RBFOX1: variants seen among roughly 807,000 people sequenced by gnomAD.
RBFOX1 encodes RNA binding fox-1 homolog 1.
Under a neutral mutation model 57.7 loss-of-function variants are expected in RBFOX1, and 8 were observed. The observed-to-expected ratio is 0.14, with a 90% CI of 0.08 to 0.25. The LOEUF (loss-of-function observed/expected upper bound fraction) is 0.25. RBFOX1 is among the 10% of genes least tolerant of loss of function. RBFOX1 has a pLI of 1.00. For missense variants in RBFOX1, 611 were observed against 548.5 expected (o/e 1.11, Z -1.14); for synonymous variants, 326 against 222.4 (o/e 1.47, Z -4.15).
chr16:6,586,185 T>A (rs1238929900), intron 2 of RBFOX1, among the ~76,000 whole-genome samples: 1 of 152,218 alleles, frequency 6.6e-6, no homozygotes, highest in Non-Finnish European at 1.5e-5. Flanking sequence ...GGCAGTTGTT[T>A]GTGCATTCAG....
At chr16:6,794,957 T>C (rs938092712) in intron 3 of RBFOX1, among the ~76,000 whole-genome samples, 16 of 152,190 alleles carry the variant, frequency 1.1e-4, no homozygotes, top group South Asian at 2.1e-4. Context: ...TAATTTTCCC[T>C]AAATCACCAG....
intron 1 of RBFOX1, among the ~76,000 whole-genome samples, chr16:6,080,146 G>A (rs1365781463): frequency 6.6e-6 from 1 of 152,192 alleles, no homozygotes. Flanking sequence ...TACTTGATGG[G>A]GAGAGGCAAG....
chr16:7,473,139 A>T (rs1358516534), intron 4 of RBFOX1, among the ~76,000 whole-genome samples: 1 of 152,104 alleles, frequency 6.6e-6, no homozygotes, highest in African/African-American at 2.4e-5. Context: ...GCCCTTTGGG[A>T]GGCTGAGGTG....
At position 6,131,488 on chromosome 16, in the gene RBFOX1, G is replaced by A. The variant is rs1260370580; in HGVS notation, c.-127+111496G>A. On this transcript the variant is annotated intron_variant, in intron 1 of 15. Transcript: ENST00000550418. ...CTCTAGAGTCACTTATTTAAATGCA[G>A]CTTCTGAAAGTCACCCTCTAAGATT... 2.0e-5 allele frequency among the ~76,000 whole-genome samples: 3 copies of A among 152,098 alleles called. No homozygotes were observed. The East Asian group carries it at 5.8e-4, about 29-fold the overall frequency.
At chr16:7,023,011 A>G (rs1274020186) in intron 3 of RBFOX1, among the ~76,000 whole-genome samples, 5 of 152,204 alleles carry the variant, frequency 3.3e-5, no homozygotes, top group Admixed American at 3.3e-4. Context: ...TTGGCATTTA[A>G]TGTGAAGGTT....
At chr16:5,765,894 T>G (rs1162564380) in intron 3 of RBFOX1, among the ~76,000 whole-genome samples, 2 of 152,136 alleles carry the variant, frequency 1.3e-5, no homozygotes, top group Non-Finnish European at 2.9e-5. Context: ...CAACCTTGGT[T>G]GTCAGTGAGG....
At chr16:5,968,090 A>G (rs1358031290) in intron 4 of RBFOX1, among the ~76,000 whole-genome samples, 1 of 151,986 alleles carries the variant, frequency 6.6e-6, no homozygotes, top group Non-Finnish European at 1.5e-5. Flanking sequence ...ATTTTATTTC[A>G]TTGAGATAGA....
intron 3 of RBFOX1, among the ~76,000 whole-genome samples, chr16:6,926,930 C>G (rs1489544238): frequency 1.3e-5 from 2 of 152,320 alleles, no homozygotes; most frequent in South Asian, 2.1e-4. Flanking sequence ...TTTGTTGTCA[C>G]TGCTGGAATG....
chr16:6,405,409 A>C (rs908580934), intron 2 of RBFOX1, among the ~76,000 whole-genome samples: 1 of 152,186 alleles, frequency 6.6e-6, no homozygotes, highest in African/African-American at 2.4e-5. Context: ...GAAGTGCACC[A>C]AATAGTGCCT....
intron 3 of RBFOX1, among the ~76,000 whole-genome samples, chr16:6,814,989 C>A (rs188590884): frequency 5.1e-4 from 77 of 152,180 alleles, no homozygotes; most frequent in African/African-American, 1.8e-3. Context: ...TATGGGCCGC[C>A]CAGCTGCTCA....
At chr16:6,051,038 A>G (rs908090020) in intron 1 of RBFOX1, among the ~76,000 whole-genome samples, 4 of 147,948 alleles carry the variant, frequency 2.7e-5, no homozygotes, top group Non-Finnish European at 5.9e-5. Context: ...TATATTTGCT[A>G]CCCCACACCT....
At chr16:5,983,563 C>T (rs1267778529) in intron 4 of RBFOX1, among the ~76,000 whole-genome samples, 3 of 152,128 alleles carry the variant, frequency 2.0e-5, no homozygotes, top group Non-Finnish European at 2.9e-5. Flanking sequence ...GTGCAGGAAA[C>T]GCTAGCACCC....
At chr16:7,245,951 A>C (rs1035825150) in intron 4 of RBFOX1, among the ~76,000 whole-genome samples, 3 of 152,190 alleles carry the variant, frequency 2.0e-5, no homozygotes, top group Non-Finnish European at 4.4e-5. Context: ...AAACACAATT[A>C]GCCCATCCCT....
chr16:6,842,183 TA>T (rs1304896285), intron 3 of RBFOX1, among the ~76,000 whole-genome samples: 3 of 151,478 alleles, frequency 2.0e-5, no homozygotes, highest in Non-Finnish European at 4.4e-5. Context: ...AATAAATAAA[TA>T]AATAAATTGG....
chr16:6,652,586 G>C (rs897681566), intron 2 of RBFOX1, among the ~76,000 whole-genome samples: 1 of 152,156 alleles, frequency 6.6e-6, no homozygotes, highest in Non-Finnish European at 1.5e-5. Context: ...CCCTGAGAGA[G>C]CCTTGACCTT....
chr16:5,839,454 A>T (rs948040985), intron 3 of RBFOX1, among the ~76,000 whole-genome samples: 6 of 152,132 alleles, frequency 3.9e-5, no homozygotes, highest in South Asian at 2.1e-4. Context: ...TCTGGTCCTG[A>T]TTCACCAGAT....
At chr16:5,342,579 A>G (rs1241654796) in intron 1 of RBFOX1, among the ~76,000 whole-genome samples, 1 of 152,190 alleles carries the variant, frequency 6.6e-6, no homozygotes, top group South Asian at 2.1e-4. Flanking sequence ...AGCTCGGGCC[A>G]TGAAACAGGG....
At chr16:5,771,629 G>T (rs751420482) in intron 3 of RBFOX1, among the ~76,000 whole-genome samples, 7 of 152,088 alleles carry the variant, frequency 4.6e-5, no homozygotes, top group Non-Finnish European at 8.8e-5. Flanking sequence ...GGCTGGTCTT[G>T]AACTTCTAGC....
intron 3 of RBFOX1, among the ~76,000 whole-genome samples, chr16:6,685,202 G>A (rs1168284628): frequency 6.6e-6 from 1 of 152,076 alleles, no homozygotes; most frequent in East Asian, 1.9e-4. Context: ...AATAAAGACA[G>A]GAGGTGTTGT....
Sources: gnomAD v4.1 joint callset for allele counts (sites outside exome capture counted in the v4.1 genomes callset) on GRCh38, gnomAD v4.1.1 for gene constraint, MANE v1.5 for transcripts, NCBI Gene and HGNC (gene_info 2026-07-23, HGNC 2026-07-21) for gene names.